Variants in PSD3 observed in about 807,000 individuals in gnomAD.
PSD3 encodes PH and SEC7 domain-containing protein 3.
Under a neutral mutation model 105.5 loss-of-function variants are expected in PSD3, and 49 were observed. The observed-to-expected ratio is 0.46, with a 90% CI of 0.37 to 0.59. The LOEUF (loss-of-function observed/expected upper bound fraction) is 0.59, where lower values mean the gene tolerates loss of function less well. Among genes scored for constraint, PSD3 ranks in the 20% least tolerant of loss-of-function variants. The pLI, the probability that PSD3 is intolerant of heterozygous loss-of-function variation, is 0.00. For missense variants in PSD3, 1,561 were observed against 1,263.8 expected (o/e 1.24, Z -3.57); for synonymous variants, 557 against 457.8 (o/e 1.22, Z -2.77).
chr8:18,865,005 C>T (rs1363906149), intron 4 of PSD3: 6 of 151,560 alleles, frequency 4.0e-5, no homozygotes, highest in African/African-American at 1.5e-4. Context: ...AACTTAGTTT[C>T]TTGAAAACAG....
At chr8:19,065,793 T>G (rs1412323214) in intron 1 of PSD3, among the ~76,000 whole-genome samples, 2 of 152,108 alleles carry the variant, frequency 1.3e-5, no homozygotes, top group Admixed American at 6.5e-5. Context: ...CATGATTGAT[T>G]AAAACACTGG....
At chr8:18,728,292 C>T (rs1382430494) in intron 9 of PSD3, among the ~76,000 whole-genome samples, 1 of 152,192 alleles carries the variant, frequency 6.6e-6, no homozygotes, top group Admixed American at 6.5e-5. Flanking sequence ...CCAAACTCTG[C>T]ACAGCACAGA....
chr8:18,557,795 G>A (rs1408554185), intron 14 of PSD3, among the ~76,000 whole-genome samples: 1 of 152,168 alleles, frequency 6.6e-6, no homozygotes, highest in Non-Finnish European at 1.5e-5. Flanking sequence ...AGTCAAAAAT[G>A]CTTCAGGTAG....
intron 9 of PSD3, among the ~76,000 whole-genome samples, chr8:18,755,486 A>ACATAACATAACAT (rs61699522): frequency 6.6e-6 from 1 of 151,828 alleles, no homozygotes; most frequent in Non-Finnish European, 1.5e-5. Context: ...ACATAACATA[A>ACATAACATAACAT]AAATGCTCCA....
intron 14 of PSD3, among the ~76,000 whole-genome samples, chr8:18,566,801 T>A (rs375470927): frequency 2.6e-5 from 4 of 152,234 alleles, no homozygotes; most frequent in Non-Finnish European, 4.4e-5. Flanking sequence ...TGTTTTTGCA[T>A]CTCTGTGGAT....
intron 11 of PSD3, among the ~76,000 whole-genome samples, chr8:18,614,362 T>C (rs371030157): frequency 8.8e-6 from 1 of 114,188 alleles, no homozygotes; most frequent in Non-Finnish European, 1.7e-5. Context: ...AAAAATCAGA[T>C]GTCCTAAACT....
intron 1 of PSD3, among the ~76,000 whole-genome samples, chr8:18,972,507 C>T (rs1284137679): frequency 1.3e-5 from 2 of 152,214 alleles, no homozygotes; most frequent in Non-Finnish European, 2.9e-5. Flanking sequence ...ACAGTACCTC[C>T]ACCAATGGAG....
chr8:18,535,649 C>CG lies in PSD3; in HGVS notation c.*93_*94insC. 1.2e-6 allele frequency: 1 copy of CG among 867,542 alleles called. No homozygotes were observed. Among genetic ancestry groups the CG allele is most frequent in the Non-Finnish European group, 1.7e-6 (1 of 572,920 alleles). The allele number at this position is 867,542 out of a possible 1,614,324, so 53.7% of individuals were successfully genotyped here. A position where few individuals can be genotyped will look rare whatever the true frequency, so the allele number is the denominator to read the frequency against. On this transcript the variant is annotated 3_prime_UTR_variant, in exon 16 of 16. Coordinates refer to ENST00000327040, the MANE Select transcript of PSD3 (RefSeq NM_015310.4). ...TACTAATGCACCGTTTTGTCACAGACTTTTTTTTTTTAAATATATTCACGG... is the reference window on the plus strand; with the variant it reads ...TACTAATGCACCGTTTTGTCACAGACGTTTTTTTTTTTAAATATATTCACGG...
At chr8:18,828,171 T>C (rs977960431) in intron 4 of PSD3, among the ~76,000 whole-genome samples, 3 of 151,308 alleles carry the variant, frequency 2.0e-5, no homozygotes, top group African/African-American at 7.3e-5. Context: ...TCTGGCTCCT[T>C]GGCTCATGGT....
intron 2 of PSD3, among the ~76,000 whole-genome samples, chr8:18,908,575 C>A (rs572837098): frequency 6.6e-6 from 1 of 152,316 alleles, no homozygotes; most frequent in South Asian, 2.1e-4. Flanking sequence ...CCTGACTTCC[C>A]GTTCTGATCC....
At chr8:18,631,122 C>T (rs1337562326) in intron 11 of PSD3, among the ~76,000 whole-genome samples, 1 of 151,954 alleles carries the variant, frequency 6.6e-6, no homozygotes, top group Non-Finnish European at 1.5e-5. Context: ...GCCTTGGAGA[C>T]AGAAGCTGCA....
intron 2 of PSD3, among the ~76,000 whole-genome samples, chr8:18,904,563 T>A (rs753372374): frequency 0.011 from 1,636 of 152,318 alleles, 28 homozygotes; most frequent in African/African-American, 0.038. Context: ...GGCTGATCTC[T>A]CCCTTTTGAA....
At chr8:19,040,662 G>A (rs1298594812) in intron 1 of PSD3, among the ~76,000 whole-genome samples, 3 of 152,218 alleles carry the variant, frequency 2.0e-5, no homozygotes, top group South Asian at 2.1e-4. Context: ...GACTGCTTAC[G>A]ATTCAGAATC....
intron 11 of PSD3, among the ~76,000 whole-genome samples, chr8:18,616,397 A>G (rs1457986824): frequency 6.6e-6 from 1 of 152,164 alleles, no homozygotes; most frequent in Non-Finnish European, 1.5e-5. Context: ...GGAGATTTGC[A>G]TCTGTGGAGA....
intron 1 of PSD3, among the ~76,000 whole-genome samples, chr8:19,028,448 T>G (rs530214614): frequency 1.3e-5 from 2 of 152,022 alleles, no homozygotes; most frequent in East Asian, 3.9e-4. Context: ...AAGCTATCAC[T>G]GGGCTCAAGC....
Position 18,594,273 on chromosome 8 carries a change from T to C in PSD3, c.2481+6091A>G, listed in dbSNP as rs867843713. 2.2e-3 allele frequency among the ~76,000 whole-genome samples: 31 copies of C among 13,966 alleles called. 9 individuals are homozygous for C. The highest frequency in any genetic ancestry group is 5.2e-3 in the South Asian group (2 of 384). 9.2% of individuals were successfully genotyped at this position (13,966 alleles called of 152,430 possible). On this transcript the variant is annotated intron_variant, in intron 12 of 15. Coordinates refer to ENST00000327040, the MANE Select transcript of PSD3 (RefSeq NM_015310.4). ...ATATTATATAATATATATTATTATA[T>C]ATATTATATAATATATATTATATAT... is the stretch of plus-strand genomic sequence containing the variant.
At position 18,764,851 on chromosome 8, in the gene PSD3, A is replaced by T. The variant is rs138003363; in HGVS notation, c.2172+598T>A. ...TCATATTATCATTATTTTGTACTCA[A>T]TCAAATGCCCATCTCATTTACAATG... is the stretch of plus-strand genomic sequence containing the variant. On this transcript the variant is annotated intron_variant, in intron 9 of 15. Coordinates refer to ENST00000327040, the MANE Select transcript of PSD3 (RefSeq NM_015310.4). 2.2e-3 allele frequency among the ~76,000 whole-genome samples: 328 copies of T among 152,280 alleles called. 6 individuals carry two copies. Among genetic ancestry groups the T allele is most frequent in the East Asian group, 0.015 (77 of 5,182 alleles).
At chr8:18,818,689 C>G (rs988624423) in intron 4 of PSD3, among the ~76,000 whole-genome samples, 4 of 151,968 alleles carry the variant, frequency 2.6e-5, no homozygotes, top group South Asian at 2.1e-4. Flanking sequence ...CCATACCCCC[C>G]CCAACAACCA....
At chr8:18,890,811 G>A (rs1818737885) in intron 2 of PSD3, among the ~76,000 whole-genome samples, 1 of 151,998 alleles carries the variant, frequency 6.6e-6, no homozygotes, top group Admixed American at 6.6e-5. Context: ...ACTGCACTGG[G>A]GGTAAGGGTG....
Sources: gnomAD v4.1 joint callset for allele counts (sites outside exome capture counted in the v4.1 genomes callset) on GRCh38, gnomAD v4.1.1 for gene constraint, MANE v1.5 for transcripts, NCBI Gene and HGNC (gene_info 2026-07-23, HGNC 2026-07-21) for gene names.